The following RANBP2 variants were observed in gnomAD, a reference collection of about 807,000 sequenced individuals.
RANBP2 encodes E3 SUMO-protein ligase RanBP2.
A neutral mutation model predicts 303.6 loss-of-function variants in RANBP2; 57 were observed. The observed-to-expected ratio is 0.19, with a 90% CI of 0.15 to 0.23. The LOEUF is 0.23. Among genes scored for constraint, RANBP2 ranks in the 10% least tolerant of loss-of-function variants. The probability of loss-of-function intolerance (pLI) is 1.00; values close to 1 mark genes in which losing one functional copy is unlikely to be tolerated. For synonymous variants in RANBP2, 1,167 were observed against 1,301.5 expected (o/e 0.90, Z 2.23); for missense variants, 3,138 against 3,780.8 (o/e 0.83, Z 4.46).
At chr2:108,849,230 C>T in the RANBP2 span, among the ~76,000 whole-genome samples, 6 of 152,028 alleles carry the variant, frequency 3.9e-5, no homozygotes, top group Admixed American at 3.3e-4. Flanking sequence ...AGTTTTGAGA[C>T]AAAATCATAT....
chr2:109,347,752 G>A, the RANBP2 span: 1 of 1,613,972 alleles, frequency 6.2e-7, no homozygotes, highest in Non-Finnish European at 8.5e-7. Context: ...GTTCAACAAG[G>A]GGGACATCAT....
rs1453446601 is a variant in RANBP2, at chr2:108,768,360, C to A, written c.7821C>A (p.Ile2607=). Residue 2607 remains isoleucine, a synonymous_variant, in exon 20 of 29, where the codon ATC becomes ATA. Transcript: ENST00000283195. ...FASFPTEESS[I]NYTFKTPEKA... ...CCTTTCCAACGGAAGAATCTTCAAT[C>A]AACTACACATTTAAAACACCAGAAA... The A allele has an allele frequency of 6.2e-7, 1 of 1,611,808 alleles. No homozygotes were observed. Among genetic ancestry groups the A allele is most frequent in the East Asian group, 2.2e-5 (1 of 44,864 alleles).
chr2:109,019,220 G>C, the RANBP2 span, among the ~76,000 whole-genome samples: 1 of 152,236 alleles, frequency 6.6e-6, no homozygotes, highest in Non-Finnish European at 1.5e-5. Context: ...AGTACTGCCT[G>C]AATCAGGCTT....
At chr2:109,557,326 G>A in the RANBP2 span, among the ~76,000 whole-genome samples, 1 of 152,170 alleles carries the variant, frequency 6.6e-6, no homozygotes, top group Non-Finnish European at 1.5e-5. Flanking sequence ...CATTTGTTGA[G>A]TATCTGCTAC....
the RANBP2 span, chr2:109,546,064 G>C: frequency 1.3e-6 from 2 of 1,589,584 alleles, no homozygotes; most frequent in Non-Finnish European, 1.7e-6. Flanking sequence ...TACGGTCCTT[G>C]TCCTTCCTCA....
At chr2:109,484,310 G>A in the RANBP2 span, among the ~76,000 whole-genome samples, 116 of 152,080 alleles carry the variant, frequency 7.6e-4, no homozygotes, top group Admixed American at 1.4e-3. Flanking sequence ...GAGGTGATCC[G>A]TCCACCTTGG....
chr2:109,535,707 AAG>A, the RANBP2 span, among the ~76,000 whole-genome samples: 2 of 152,162 alleles, frequency 1.3e-5, no homozygotes, highest in Admixed American at 1.3e-4. Flanking sequence ...GCATGAGCCC[AAG>A]AGAGAGTGGA....
chr2:109,411,710 C>T, the RANBP2 span, among the ~76,000 whole-genome samples: 1 of 152,152 alleles, frequency 6.6e-6, no homozygotes, highest in Admixed American at 6.5e-5. Context: ...CACCACACAC[C>T]CATGCTAGGA....
chr2:109,665,739 A>G, the RANBP2 span: 1 of 155,518 alleles, frequency 6.4e-6, no homozygotes, highest in Non-Finnish European at 1.4e-5. Context: ...CCAATTGGCC[A>G]ATGCCAACAG....
At chr2:108,804,701 G>C in the RANBP2 span, among the ~76,000 whole-genome samples, 1 of 152,078 alleles carries the variant, frequency 6.6e-6, no homozygotes, top group Non-Finnish European at 1.5e-5. Context: ...TTGATGTTTT[G>C]TTGTTATCTT....
the RANBP2 span, among the ~76,000 whole-genome samples, chr2:109,352,977 T>A: frequency 6.6e-6 from 1 of 152,264 alleles, no homozygotes; most frequent in Non-Finnish European, 1.5e-5. Flanking sequence ...CTCCTCTCCA[T>A]GGGCACGCCT....
chr2:109,442,749 G>T, the RANBP2 span, among the ~76,000 whole-genome samples: 1 of 152,024 alleles, frequency 6.6e-6, no homozygotes, highest in Non-Finnish European at 1.5e-5. Flanking sequence ...GAATAAAAAG[G>T]AATCATGAAA....
intron 6 of RANBP2, among the ~76,000 whole-genome samples, chr2:108,736,880 T>A (rs1027063180): frequency 3.3e-5 from 5 of 152,110 alleles, no homozygotes; most frequent in Non-Finnish European, 7.3e-5. Flanking sequence ...TTGTTAATAT[T>A]TATTGGAATG....
At chr2:108,903,699 C>CA in the RANBP2 span, among the ~76,000 whole-genome samples, 3,035 of 152,094 alleles carry the variant, frequency 0.02, 97 homozygotes, top group African/African-American at 0.07. Flanking sequence ...CATCCATAGA[C>CA]AAAAAAATGA....
chr2:108,995,065 C>T, the RANBP2 span, among the ~76,000 whole-genome samples: 1,771 of 152,060 alleles, frequency 0.012, 22 homozygotes, highest in Non-Finnish European at 0.018. Flanking sequence ...CTCCTGACCT[C>T]GTGATCCACC....
At chr2:109,716,239 TA>T in the RANBP2 span, among the ~76,000 whole-genome samples, 3 of 152,138 alleles carry the variant, frequency 2.0e-5, no homozygotes, top group African/African-American at 7.2e-5. Flanking sequence ...CTTATTATTT[TA>T]TTTTTTTTAA....
In RANBP2 at chr2:108,763,535, T is replaced by C. The variant is rs766827598; in HGVS notation, c.2996T>C (p.Ile999Thr). The part of the protein sequence containing the change: ...HASRSAESKT[I>T]EFGKTNFVQP... ...TCAAGATCTGCAGAATCTAAGACTA[T>C]AGAATTTGGGAAAACTAATTTTGTT... is the stretch of plus-strand genomic sequence containing the variant. Residue 999 changes from isoleucine to threonine, a missense_variant, in exon 20 of 29, where the codon ATA becomes ACA. Ile to Thr is a moderately conservative substitution (Grantham distance 89, BLOSUM62 -1). This residue lies in a region of RANBP2 where 403 missense variants were observed against 376.7 expected (regional missense o/e 1.07). Transcript: ENST00000283195. 13 of 1,614,098 alleles carry C rather than the reference T, an allele frequency of 8.1e-6. No homozygotes were observed. Among genetic ancestry groups the C allele is most frequent in the South Asian group, 6.6e-5 (6 of 91,086 alleles).
the RANBP2 span, chr2:109,432,509 C>T: frequency 1.9e-6 from 3 of 1,613,276 alleles, no homozygotes; most frequent in Non-Finnish European, 2.5e-6. Flanking sequence ...AGGTACCTGG[C>T]GCTCTACGCC....
chr2:109,667,088 T>A, the RANBP2 span: 1 of 839,594 alleles, frequency 1.2e-6, no homozygotes, highest in Non-Finnish European at 1.9e-6. Context: ...TACACATAGA[T>A]CATAATCTAA....
Sources: allele counts gnomAD v4.1 joint callset (sites outside exome capture counted in the v4.1 genomes callset), GRCh38; gene constraint gnomAD v4.1.1; regional missense constraint gnomAD v4.1.1; transcripts MANE v1.5; gene names NCBI Gene and HGNC (gene_info 2026-07-23, HGNC 2026-07-21).